PRH1: variants seen among roughly 807,000 people sequenced by gnomAD.
PRH1 encodes proline rich protein HaeIII subfamily 1.
A neutral mutation model predicts 7.9 loss-of-function variants in PRH1; 7 were observed. The observed-to-expected ratio is 0.89, with a 90% CI of 0.50 to 1.67. PRH1 has a LOEUF of 1.67. Among genes scored for constraint, PRH1 ranks in the 40% most tolerant of loss-of-function variants. PRH1 has a pLI of 0.00. For synonymous variants in PRH1, 45 were observed against 80.8 expected (o/e 0.56, Z 2.38); for missense variants, 109 against 223.6 (o/e 0.49, Z 3.27).
chr12:11,022,244 T>A (rs1354270253), intron 1 of PRH1: 1 of 1,614,180 alleles, frequency 6.2e-7, no homozygotes, highest in South Asian at 1.1e-5. Context: ...AAATTGGCAA[T>A]CTTGAGCAAA....
intron 1 of PRH1, chr12:11,031,307 G>A (rs777488154): frequency 1.9e-6 from 3 of 1,611,392 alleles, no homozygotes; most frequent in Non-Finnish European, 2.5e-6. Context: ...TACCACACTG[G>A]AAAAAATGAT....
At chr12:11,030,815 A>G (rs1205809155) in intron 1 of PRH1, 2 of 1,614,204 alleles carry the variant, frequency 1.2e-6, no homozygotes, top group African/African-American at 2.7e-5. Flanking sequence ...CGCATCTGAA[A>G]GGTACACTGC....
intron 2 of PRH1, among the ~76,000 whole-genome samples, chr12:10,897,976 C>G (rs892830395): frequency 6.6e-6 from 1 of 152,154 alleles, no homozygotes; most frequent in African/African-American, 2.4e-5. Flanking sequence ...AATAGAGCAT[C>G]AGAATAGAAT....
At chr12:10,908,682 T>C (rs1477437530) in intron 2 of PRH1, 2 of 1,613,918 alleles carry the variant, frequency 1.2e-6, no homozygotes, top group Non-Finnish European at 1.7e-6. Flanking sequence ...GAGATGTTTC[T>C]GCAGGGAGAA....
intron 2 of PRH1, chr12:10,965,232 T>A (rs1938445060): frequency 2.0e-6 from 3 of 1,481,868 alleles, no homozygotes; most frequent in Non-Finnish European, 2.7e-6. Context: ...GCAAAGGAGA[T>A]CTTTTGTCTC....
intron 1 of PRH1, among the ~76,000 whole-genome samples, chr12:11,127,219 T>C (rs1190295798): frequency 2.0e-5 from 3 of 152,302 alleles, no homozygotes; most frequent in African/African-American, 4.8e-5. Flanking sequence ...AGATAAAATT[T>C]TTCATACTGA....
intron 1 of PRH1, among the ~76,000 whole-genome samples, chr12:11,146,476 T>G (rs1040356943): frequency 6.6e-6 from 1 of 152,142 alleles, no homozygotes; most frequent in Non-Finnish European, 1.5e-5. Flanking sequence ...CATCCATATA[T>G]TCCTAGTTTT....
chr12:11,131,328 A>AGG (rs35884825), intron 1 of PRH1, among the ~76,000 whole-genome samples: 1 of 46,230 alleles, frequency 2.2e-5, no homozygotes, highest in Non-Finnish European at 6.5e-5. Flanking sequence ...GGCTGCCAGC[A>AGG]GTCATACCAG....
At chr12:10,951,488 C>T (rs115516855) in intron 2 of PRH1, among the ~76,000 whole-genome samples, 3,005 of 152,248 alleles carry the variant, frequency 0.02, 33 homozygotes, top group South Asian at 0.032. Flanking sequence ...TACACATATA[C>T]ATATACCCCA....
intron 2 of PRH1, among the ~76,000 whole-genome samples, chr12:10,961,507 T>C (rs753672802): frequency 6.0e-5 from 9 of 151,130 alleles, no homozygotes; most frequent in Non-Finnish European, 1.3e-4. Context: ...TTGGAAGACA[T>C]GAGCAAATCT....
chr12:10,929,457 C>T, intron 2 of PRH1: 1 of 1,245,982 alleles, frequency 8.0e-7, no homozygotes, highest in South Asian at 1.4e-5. Context: ...GAAGAGTTCT[C>T]ATGCCAAGGA....
At chr12:10,977,734 C>G (rs554820879) in intron 1 of PRH1, among the ~76,000 whole-genome samples, 2 of 152,138 alleles carry the variant, frequency 1.3e-5, no homozygotes, top group Non-Finnish European at 2.9e-5. Flanking sequence ...AATCAATGTA[C>G]AAAAATTAGT....
At chr12:10,997,437 T>A (rs1940332439) in intron 1 of PRH1, 1 of 1,613,690 alleles carries the variant, frequency 6.2e-7, no homozygotes, top group Non-Finnish European at 8.5e-7. Flanking sequence ...TACGTGTGTT[T>A]CATCACAAGG....
intron 1 of PRH1, chr12:11,132,930 T>A (rs1946408396): frequency 5.1e-6 from 1 of 195,794 alleles, no homozygotes; most frequent in Non-Finnish European, 1.0e-5. Context: ...AGCAATATTT[T>A]TCCTGAGATA....
intron 1 of PRH1, among the ~76,000 whole-genome samples, chr12:11,026,305 G>A (rs1283597056): frequency 4.6e-5 from 7 of 152,168 alleles, no homozygotes; most frequent in Non-Finnish European, 8.8e-5. Context: ...TAGGACTGCA[G>A]GCATGAGCCA....
At chr12:10,943,452 T>C (rs1046572321) in intron 2 of PRH1, among the ~76,000 whole-genome samples, 1 of 152,220 alleles carries the variant, frequency 6.6e-6, no homozygotes, top group African/African-American at 2.4e-5. Context: ...TTCAAGTTCC[T>C]TATAGATGTT....
At chr12:11,104,313 ATGATCACTCATATGT>A (rs1565657579) in intron 1 of PRH1, among the ~76,000 whole-genome samples, 1 of 141,288 alleles carries the variant, frequency 7.1e-6, no homozygotes, top group Non-Finnish European at 1.6e-5. Context: ...CACTCATATG[ATGATCACTCATATGT>A]TTCACTGTAG....
intron 2 of PRH1, among the ~76,000 whole-genome samples, chr12:10,903,219 A>G (rs982114269): frequency 1.2e-4 from 19 of 152,180 alleles, no homozygotes; most frequent in Admixed American, 1.2e-3. Flanking sequence ...CCTATATAAG[A>G]TAAAACAGAT....
chr12:11,026,606 C>T (rs1466332724), intron 1 of PRH1, among the ~76,000 whole-genome samples: 1 of 151,846 alleles, frequency 6.6e-6, no homozygotes, highest in African/African-American at 2.4e-5. Context: ...TGGTCAGTGC[C>T]GTGACAAAAC....
Sources: gnomAD v4.1 joint callset for allele counts (sites outside exome capture counted in the v4.1 genomes callset) on GRCh38, gnomAD v4.1.1 for gene constraint, MANE v1.5 for transcripts, NCBI Gene and HGNC (gene_info 2026-07-23, HGNC 2026-07-21) for gene names.